Variants in PYCR1 observed in about 807,000 individuals in gnomAD.
PYCR1 encodes the protein pyrroline-5-carboxylate reductase 1.
Under a neutral mutation model 22.9 loss-of-function variants are expected in PYCR1, and 19 were observed. That is an observed-to-expected ratio of 0.83 (90% CI 0.58 to 1.22). The LOEUF (loss-of-function observed/expected upper bound fraction) is 1.22. PYCR1 is among the 50% of genes most tolerant of loss of function. The probability of loss-of-function intolerance (pLI) is 0.00; values close to 1 mark genes in which losing one functional copy is unlikely to be tolerated. For missense variants in PYCR1, 429 were observed against 431.3 expected (o/e 0.99, Z 0.05); for synonymous variants, 175 against 180.5 (o/e 0.97, Z 0.24).
intron 2 of PYCR1, among the ~76,000 whole-genome samples, chr17:81,935,860 C>T (rs1162032013): frequency 1.3e-5 from 2 of 152,206 alleles, no homozygotes; most frequent in African/African-American, 2.4e-5. Flanking sequence ...GCTGTGGCCC[C>T]ACCTGCCAGG....
Position 81,936,866 on chromosome 17 carries a change from G to C in PYCR1, c.-52C>G. On this transcript the variant is annotated 5_prime_UTR_variant, in exon 1 of 7. Coordinates refer to ENST00000329875, the MANE Select transcript of PYCR1 (RefSeq NM_006907.4). The stretch of plus-strand genomic sequence containing the variant: ...CCCCCACAGATGGCACCGGCTCTGC[G>C]GGACGAGACCGGCAGGATCGAGAGC... 6.3e-7 allele frequency: 1 copy of C among 1,578,088 alleles called. No individual in the cohort carries two copies. Among genetic ancestry groups the C allele is most frequent in the South Asian group, 1.2e-5 (1 of 86,362 alleles).
chr17:81,937,257 C>A lies in PYCR1; in HGVS notation c.-443G>T. On this transcript the variant is annotated 5_prime_UTR_variant, in exon 1 of 7. Transcript: ENST00000329875. The stretch of plus-strand genomic sequence containing the variant: ...ACCCAGCTACCGTGCGCGGGTCGTA[C>A]CCACCCCTCAGCGCTGCGGCCGCCA... 7.5e-7 allele frequency: 1 copy of A among 1,335,682 alleles called. No individual in the cohort carries two copies. The highest frequency in any genetic ancestry group is 9.6e-7 in the Non-Finnish European group (1 of 1,038,438). The allele number at this position is 1,335,682 out of a possible 1,614,324, so 82.7% of individuals were successfully genotyped here.
chr17:81,935,060 C>A lies in PYCR1; in HGVS notation c.406G>T (p.Ala136Ser). ...VVVREGATVY[A>S]TGTHAQVEDG... The stretch of plus-strand genomic sequence containing the variant: ...TCCACCTGGGCGTGCGTGCCTGTGG[C>A]ATACACGGTGGCCCCCTCCCGCACC... Residue 136 changes from alanine (A) to serine (S), a missense_variant, in exon 4 of 7, where the codon GCC (alanine) becomes TCC (serine). By Grantham distance (99) the Ala-to-Ser change is moderately conservative. Transcript: ENST00000329875. 1 of 1,610,646 alleles carries A rather than the reference C, an allele frequency of 6.2e-7. No individual in the cohort carries two copies. Among genetic ancestry groups the A allele is most frequent in the Non-Finnish European group, 8.5e-7 (1 of 1,180,014 alleles).
chr17:81,934,769 C>T, intron 4 of PYCR1, 24 bp from the exon 5 acceptor site: 4 of 1,545,430 alleles, frequency 2.6e-6, no homozygotes, highest in Non-Finnish European at 3.5e-6. Flanking sequence ...GCACCCTGAG[C>T]CTCTCTCCTG....
intron 6 of PYCR1, 46 bp downstream of exon 6, chr17:81,934,280 C>T: frequency 6.2e-7 from 1 of 1,608,902 alleles, no homozygotes; most frequent in Non-Finnish European, 8.5e-7. Context: ...AGGCCTCTGC[C>T]ATGCAAGGAC....
Position 81,934,380 on chromosome 17 carries a change from C to T in PYCR1, c.743G>A (p.Gly248Glu), listed in dbSNP as rs281875319. 3.1e-6 allele frequency: 5 copies of T among 1,612,692 alleles called. No homozygotes were observed. The East Asian group carries it at 6.7e-5, about 22-fold the overall frequency. The change falls in exon 6 of 7, where the codon GGG becomes GAG. Residue 248 changes from glycine to glutamate, a missense_variant. Gly to Glu is a moderately conservative substitution (Grantham distance 98, BLOSUM62 -2). Coordinates refer to ENST00000329875, the MANE Select transcript of PYCR1 (RefSeq NM_006907.4). ...GTTGATGAGCAGGGAGCGGAAGCCC[C>T]CACTCTCCAGCACATGCAAGGCATG... ...TIHALHVLES[G>E]GFRSLLINAV... is the part of the protein sequence containing the mutation.
In PYCR1 at chr17:81,936,789, C is replaced by A; in HGVS notation, c.26G>T (p.Gly9Val). 1 of 1,610,486 alleles carries A rather than the reference C, an allele frequency of 6.2e-7. No homozygotes were observed. Among genetic ancestry groups the A allele is most frequent in the Non-Finnish European group, 8.5e-7 (1 of 1,179,200 alleles). ...CTTGGCCAGGGCAAAAGCCAGCTGG[C>A]CAGCGCCGATGAAGCCCACGCTCAT... MSVGFIGA[G>V]QLAFALAKGF... is the part of the protein sequence containing the mutation. Residue 9 changes from glycine (G) to valine (V), a missense_variant, in exon 1 of 7, where the codon GGC (glycine) becomes GTC (valine). Coordinates refer to ENST00000329875, the MANE Select transcript of PYCR1 (RefSeq NM_006907.4).
chr17:81,937,055 C>A lies in PYCR1; in HGVS notation c.-241G>T. ...CTGGCCTGCTGCCTAGGGTCCCGCA[C>A]CCACTGGAGGGGTGGAGGTTCCGCA... On this transcript the variant is annotated 5_prime_UTR_variant, in exon 1 of 7. Coordinates refer to ENST00000329875, the MANE Select transcript of PYCR1 (RefSeq NM_006907.4). 6.9e-7 allele frequency: 1 copy of A among 1,441,408 alleles called. No individual in the cohort carries two copies. Among genetic ancestry groups the A allele is most frequent in the Non-Finnish European group, 9.1e-7 (1 of 1,099,704 alleles). 89.3% of individuals were successfully genotyped at this position (1,441,408 alleles called of 1,614,324 possible). A position where few individuals can be genotyped will look rare whatever the true frequency, so the allele number is the denominator to read the frequency against.
chr17:81,935,472 C>T lies in PYCR1; in HGVS notation c.183G>A (p.Gln61=), dbSNP rs2041159309. Residue 61 remains glutamine, a synonymous_variant, in exon 3 of 7, where the codon CAG becomes CAA. Coordinates refer to ENST00000329875, the MANE Select transcript of PYCR1 (RefSeq NM_006907.4). The part of the protein sequence containing the change: ...KLTPHNKETV[Q]HSDVLFLAVK... The stretch of plus-strand genomic sequence containing the variant: ...CAGCCAGGAAGAGCACATCACTGTG[C>T]TGCACCGTCTCCTTGTTGTGGGGTG... The T allele has an allele frequency of 1.2e-6, 2 of 1,612,974 alleles. No homozygotes were observed. The highest frequency in any genetic ancestry group is 8.5e-7 in the Non-Finnish European group (1 of 1,179,772).
chr17:81,933,307 C>CT lies in PYCR1; in HGVS notation c.866dup (p.Val290GlyfsTer36). Reference sequence around the variant, plus strand: ...TCCCTGCAGGGGAGTCCAGCTTCACCTTGTCCAGGATGGTCTTCTTGATGG... The same window carrying CT: ...TCCCTGCAGGGGAGTCCAGCTTCACCTTTGTCCAGGATGGTCTTCTTGATGG... On this transcript the variant is annotated frameshift_variant, in exon 7 of 7. Coordinates refer to ENST00000329875, the MANE Select transcript of PYCR1 (RefSeq NM_006907.4). LOFTEE classifies it low-confidence loss of function (END_TRUNC). The CT allele has an allele frequency of 6.2e-7, 1 of 1,614,054 alleles. No homozygotes were observed.
Position 81,933,248 on chromosome 17 carries a change from A to G in PYCR1, c.926T>C (p.Leu309Pro). The G allele has an allele frequency of 6.2e-7, 1 of 1,613,798 alleles. No individual in the cohort carries two copies. Among genetic ancestry groups the G allele is most frequent in the Non-Finnish European group, 8.5e-7 (1 of 1,179,880 alleles). Residue 309 changes from leucine (L) to proline (P), a missense_variant, in exon 7 of 7, where the codon CTC becomes CCC. Transcript: ENST00000329875. ...GCCCGCTGGGGCCAGGCTGCGGGGGAGCAGCTTGGTGTGGCCAGAAGGTGA... is the reference window on the plus strand; with the variant it reads ...GCCCGCTGGGGCCAGGCTGCGGGGGGGCAGCTTGGTGTGGCCAGAAGGTGA... ...ALSPSGHTKL[L>P]PRSLAPAGKD is the part of the protein sequence containing the mutation.
chr17:81,933,595 C>T (rs1192689245), intron 6 of PYCR1, among the ~76,000 whole-genome samples: 1 of 151,934 alleles, frequency 6.6e-6, no homozygotes, highest in African/African-American at 2.4e-5. Flanking sequence ...CCCCGCAGTG[C>T]CCCCCAGACC....
At position 81,937,176 on chromosome 17, in the gene PYCR1, C is replaced by A. The variant is rs2041224432; in HGVS notation, c.-362G>T. On this transcript the variant is annotated 5_prime_UTR_variant, in exon 1 of 7. Coordinates refer to ENST00000329875, the MANE Select transcript of PYCR1 (RefSeq NM_006907.4). ...GGTTCCCACCCCGCCCAGAACTGGGCTACCGTCGCGCCCCACCCGGCGACC... is the reference window on the plus strand; with the variant it reads ...GGTTCCCACCCCGCCCAGAACTGGGATACCGTCGCGCCCCACCCGGCGACC... 2 of 1,474,062 alleles carry A rather than the reference C, an allele frequency of 1.4e-6. No homozygotes were observed. Among genetic ancestry groups the A allele is most frequent in the South Asian group, 2.7e-5 (2 of 74,934 alleles). The allele number at this position is 1,474,062 out of a possible 1,614,324, so 91.3% of individuals were successfully genotyped here. A position where few individuals can be genotyped will look rare whatever the true frequency, so the allele number is the denominator to read the frequency against.
In PYCR1 at chr17:81,935,222, C is replaced by T. The variant is rs548454361; in HGVS notation, c.319-75G>A. 1.9e-5 allele frequency: 29 copies of T among 1,564,412 alleles called. No homozygotes were observed. In the East Asian group the frequency reaches 4.8e-4, roughly 26 times the overall value. On this transcript the variant is annotated intron_variant, in intron 3 of 6. Transcript: ENST00000329875. Reference sequence around the variant, plus strand: ...TGCACTCACCCCACCAAGCAGTGCCCGAGCTCTCCCAGTGGGCCGGGACGC... The same window carrying T: ...TGCACTCACCCCACCAAGCAGTGCCTGAGCTCTCCCAGTGGGCCGGGACGC...
intron 2 of PYCR1, 37 bp from the exon 3 acceptor site, chr17:81,935,553 G>T (rs768691848): frequency 6.4e-7 from 1 of 1,567,354 alleles, no homozygotes; most frequent in Non-Finnish European, 8.6e-7. Flanking sequence ...CTGGTCCCGT[G>T]GCTGTCTGTA....
intron 6 of PYCR1, 31 bp downstream of exon 6, chr17:81,934,295 G>A (rs753642685): frequency 1.2e-6 from 2 of 1,611,730 alleles, no homozygotes; most frequent in Non-Finnish European, 1.7e-6. Flanking sequence ...AAGGACTGGA[G>A]ACCAGGGAAG....
In PYCR1 at chr17:81,932,767, C is replaced by G. The variant is rs2041021571; in HGVS notation, c.*447G>C. The G allele has an allele frequency of 6.9e-7, 1 of 1,442,604 alleles. No individual in the cohort carries two copies. Among genetic ancestry groups the G allele is most frequent in the Admixed American group, 2.0e-5 (1 of 50,746 alleles). 89.4% of individuals were successfully genotyped at this position (1,442,604 alleles called of 1,614,324 possible). ...GGGATGCCTGGACCCTCTGGCCCTT[C>G]TCACACGGGAAGGAGAGGTTTCTCC... On this transcript the variant is annotated 3_prime_UTR_variant, in exon 7 of 7. Transcript: ENST00000329875.
rs1313088897 is a variant in PYCR1 at position 81,933,266 on chromosome 17, G to A, written c.908C>T (p.Ser303Phe). ...DSPAGTALSPSGHTKLLPRSL... is the reference protein window; with the variant it reads ...DSPAGTALSPFGHTKLLPRSL... ...GCGGGGGAGCAGCTTGGTGTGGCCA[G>A]AAGGTGACAGAGCGGTCCCTGCAGG... Residue 303 changes from serine (S) to phenylalanine (F), a missense_variant, in exon 7 of 7, where the codon TCT becomes TTT. By Grantham distance (155) the Ser-to-Phe change is radical. Coordinates refer to ENST00000329875, the MANE Select transcript of PYCR1 (RefSeq NM_006907.4). The A allele has an allele frequency of 6.2e-7, 1 of 1,613,964 alleles. No homozygotes were observed. Among genetic ancestry groups the A allele is most frequent in the African/African-American group, 1.3e-5 (1 of 74,934 alleles).
At chr17:81,933,809 C>T (rs970180424) in intron 6 of PYCR1, among the ~76,000 whole-genome samples, 7 of 152,354 alleles carry the variant, frequency 4.6e-5, no homozygotes, top group African/African-American at 7.2e-5. Context: ...ACAGCGGCTC[C>T]CAGCCTGGCT....
Sources: gnomAD v4.1 joint callset for allele counts (sites outside exome capture counted in the v4.1 genomes callset) on GRCh38, gnomAD v4.1.1 for gene constraint, MANE v1.5 for transcripts, NCBI Gene and HGNC (gene_info 2026-07-23, HGNC 2026-07-21) for gene names.